The following MAF variants were observed in gnomAD, a reference collection of about 807,000 sequenced individuals.
MAF encodes the protein transcription factor Maf.
A neutral mutation model predicts 22.0 loss-of-function variants in MAF; 10 were observed. The ratio of observed to expected loss-of-function variants is 0.45; its 90% CI spans 0.28 to 0.77. The LOEUF is 0.77. Ranked by LOEUF, MAF falls within the 30% of genes least tolerant of loss-of-function variation. The pLI, the probability that MAF is intolerant of heterozygous loss-of-function variation, is 0.12. For synonymous variants in MAF, 337 were observed against 255.8 expected (o/e 1.32, Z -3.03); for missense variants, 544 against 548.4 (o/e 0.99, Z 0.08).
the MAF span, among the ~76,000 whole-genome samples, chr16:79,305,244 G>A: frequency 2.0e-5 from 3 of 152,328 alleles, no homozygotes; most frequent in East Asian, 3.9e-4. Flanking sequence ...AGGCCCTGAC[G>A]GTTCCCACCA....
chr16:79,470,321 G>A, the MAF span, among the ~76,000 whole-genome samples: 1 of 152,164 alleles, frequency 6.6e-6, no homozygotes, highest in East Asian at 1.9e-4. Context: ...TCCTGGCAAA[G>A]TTAGGGGATG....
the MAF span, among the ~76,000 whole-genome samples, chr16:79,438,112 G>T: frequency 6.6e-6 from 1 of 152,040 alleles, no homozygotes; most frequent in African/African-American, 2.4e-5. Flanking sequence ...GCCCCGTGGC[G>T]TTGGGGGGGC....
chr16:79,570,868 T>C, the MAF span, among the ~76,000 whole-genome samples: 1 of 152,206 alleles, frequency 6.6e-6, no homozygotes, highest in Non-Finnish European at 1.5e-5. Context: ...CTGTGCTAAA[T>C]GCTGAGCGTA....
At chr16:79,488,892 G>T in the MAF span, among the ~76,000 whole-genome samples, 1 of 152,274 alleles carries the variant, frequency 6.6e-6, no homozygotes, top group Admixed American at 6.5e-5. Flanking sequence ...GGAGGCTCTA[G>T]TGTCATGCCC....
At chr16:79,388,933 G>A in the MAF span, among the ~76,000 whole-genome samples, 9 of 152,184 alleles carry the variant, frequency 5.9e-5, no homozygotes, top group South Asian at 2.1e-4. Flanking sequence ...TCCAAGGGCC[G>A]TGATTGAGAC....
At chr16:79,207,788 C>CT in the MAF span, among the ~76,000 whole-genome samples, 89,725 of 150,634 alleles carry the variant, frequency 0.6, 28,654 homozygotes, top group Non-Finnish European at 0.73. Context: ...TATGTGGGTG[C>CT]TTTTTTTTTC....
chr16:79,561,262 G>A, the MAF span, among the ~76,000 whole-genome samples: 1 of 150,146 alleles, frequency 6.7e-6, no homozygotes, highest in Non-Finnish European at 1.5e-5. Flanking sequence ...TTTCCTAGAT[G>A]TCCTTTATTA....
chr16:79,380,190 A>C, the MAF span, among the ~76,000 whole-genome samples: 1 of 152,270 alleles, frequency 6.6e-6, no homozygotes, highest in Admixed American at 6.5e-5. Context: ...GGCTAAATGC[A>C]ATTTGGGTTT....
At chr16:79,379,556 AAGC>A in the MAF span, among the ~76,000 whole-genome samples, 1 of 152,128 alleles carries the variant, frequency 6.6e-6, no homozygotes, top group Non-Finnish European at 1.5e-5. Flanking sequence ...TTTTAAATAT[AAGC>A]AGACTAGCTC....
chr16:79,260,484 T>TCTATATCTATAA, the MAF span, among the ~76,000 whole-genome samples: 12 of 150,372 alleles, frequency 8.0e-5, no homozygotes, highest in Non-Finnish European at 1.6e-4. Flanking sequence ...TATATCTATA[T>TCTATATCTATAA]CTATATCTAT....
At chr16:79,417,830 C>T in the MAF span, among the ~76,000 whole-genome samples, 6 of 152,150 alleles carry the variant, frequency 3.9e-5, no homozygotes, top group African/African-American at 1.4e-4. Context: ...TAAGACGCTG[C>T]TGGAGAGCTC....
At chr16:79,500,472 A>C in the MAF span, among the ~76,000 whole-genome samples, 1 of 152,078 alleles carries the variant, frequency 6.6e-6, no homozygotes, top group Admixed American at 6.5e-5. Flanking sequence ...CATGTGTCAT[A>C]CCCCAGTAGT....
At chr16:79,251,084 G>A in the MAF span, among the ~76,000 whole-genome samples, 1 of 147,672 alleles carries the variant, frequency 6.8e-6, no homozygotes, top group Non-Finnish European at 1.5e-5. Flanking sequence ...GATTCCCCCC[G>A]TTTCACAGGT....
chr16:79,598,490 A>G lies in MAF; in HGVS notation c.1118+295T>C, dbSNP rs2143791497. On this transcript the variant is annotated intron_variant, in intron 1 of 1. Coordinates refer to ENST00000326043, the MANE Select transcript of MAF (RefSeq NM_005360.5). ...AAAAAAACAAGCTAGCAAGTTATGG[A>G]GAATTTCAGATTGGCAATCCATGAG... The G allele has an allele frequency of 5.4e-6, 7 of 1,290,676 alleles. No individual in the cohort carries two copies. In the South Asian group the frequency reaches 9.7e-5, roughly 18 times the overall value. The allele number at this position is 1,290,676 out of a possible 1,614,324, so 80.0% of individuals were successfully genotyped here.
the MAF span, among the ~76,000 whole-genome samples, chr16:79,322,048 A>G: frequency 6.6e-6 from 1 of 152,124 alleles, no homozygotes; most frequent in African/African-American, 2.4e-5. Flanking sequence ...CCTGGGCAAC[A>G]CGGCGAAACG....
At chr16:79,219,061 C>G in the MAF span, among the ~76,000 whole-genome samples, 1 of 152,220 alleles carries the variant, frequency 6.6e-6, no homozygotes, top group Admixed American at 6.5e-5. Context: ...TGTCTTGCCT[C>G]TAAGCTGATC....
At chr16:79,222,965 C>T in the MAF span, among the ~76,000 whole-genome samples, 1 of 152,122 alleles carries the variant, frequency 6.6e-6, no homozygotes, top group Admixed American at 6.5e-5. Flanking sequence ...ATCGACGAGA[C>T]AGAAAATTAA....
rs1046348107 is a variant in MAF at position 79,600,089 on chromosome 16, G to A, written c.-187C>T. On this transcript the variant is annotated 5_prime_UTR_variant, in exon 1 of 2. Coordinates refer to ENST00000326043, the MANE Select transcript of MAF (RefSeq NM_005360.5). ...ACACACACACCCCCCCGCCCTGCCC[G>A]CGCCCCCCGCGCCCGCCCTCCCTCC... is the stretch of plus-strand genomic sequence containing the variant. 3 of 639,708 alleles carry A rather than the reference G, an allele frequency of 4.7e-6. No individual in the cohort carries two copies. The highest frequency in any genetic ancestry group is 3.8e-5 in the Admixed American group (1 of 26,496). 39.6% of individuals were successfully genotyped at this position (639,708 alleles called of 1,614,324 possible).
chr16:79,306,614 TG>T, the MAF span, among the ~76,000 whole-genome samples: 39 of 152,240 alleles, frequency 2.6e-4, 1 homozygote, highest in African/African-American at 7.9e-4. Context: ...GGAAAAACTA[TG>T]GGGGAAAGCC....
Sources: allele counts gnomAD v4.1 joint callset (sites outside exome capture counted in the v4.1 genomes callset), GRCh38; gene constraint gnomAD v4.1.1; transcripts MANE v1.5; gene names NCBI Gene and HGNC (gene_info 2026-07-23, HGNC 2026-07-21).